SPIRE1: variants seen among roughly 807,000 people sequenced by gnomAD.
The protein encoded by SPIRE1 is protein spire homolog 1.
In SPIRE1, 40 loss-of-function variants were observed where a neutral mutation model predicts 94.1. The observed-to-expected ratio is 0.43, with a 90% CI of 0.33 to 0.55. The LOEUF is 0.55. Ranked by LOEUF, SPIRE1 falls within the 20% of genes least tolerant of loss-of-function variation. SPIRE1 has a pLI of 0.06. For synonymous variants in SPIRE1, 376 were observed against 371.7 expected (o/e 1.01, Z -0.13); for missense variants, 838 against 975.2 (o/e 0.86, Z 1.87).
chr18:12,547,932 C>CAAAA (rs1186849585), intron 2 of SPIRE1, among the ~76,000 whole-genome samples: 2 of 151,552 alleles, frequency 1.3e-5, no homozygotes, highest in Non-Finnish European at 2.9e-5. Context: ...AACAAACAAA[C>CAAAA]AAACAACAAC....
At chr18:12,514,391 T>C (rs950394594) in intron 4 of SPIRE1, among the ~76,000 whole-genome samples, 3 of 152,250 alleles carry the variant, frequency 2.0e-5, no homozygotes, top group Non-Finnish European at 2.9e-5. Flanking sequence ...CTACAGAATG[T>C]ACTTATTTCA....
chr18:12,609,369 T>C (rs766439076), intron 2 of SPIRE1, among the ~76,000 whole-genome samples: 1 of 152,204 alleles, frequency 6.6e-6, no homozygotes, highest in East Asian at 1.9e-4. Context: ...AGCTGGTTGA[T>C]GAAACCTCTG....
At chr18:12,583,576 T>G (rs951706594) in intron 2 of SPIRE1, among the ~76,000 whole-genome samples, 2 of 151,444 alleles carry the variant, frequency 1.3e-5, no homozygotes, top group African/African-American at 4.9e-5. Context: ...CACTCCAGCC[T>G]GGTGACAGAG....
intron 4 of SPIRE1, among the ~76,000 whole-genome samples, chr18:12,525,276 CAAA>C (rs1170791088): frequency 3.2e-4 from 23 of 71,502 alleles, no homozygotes; most frequent in East Asian, 3.2e-3. Flanking sequence ...GACTCCGTCT[CAAA>C]AAAAAAAAAA....
chr18:12,501,074 A>C (rs1195120494), intron 6 of SPIRE1, among the ~76,000 whole-genome samples: 1 of 26,400 alleles, frequency 3.8e-5, no homozygotes, highest in Non-Finnish European at 1.3e-4. Context: ...CTCTGTCTCA[A>C]AAAAAAAAAA....
At chr18:12,573,210 C>T (rs529979788) in intron 2 of SPIRE1, among the ~76,000 whole-genome samples, 2 of 152,160 alleles carry the variant, frequency 1.3e-5, no homozygotes, top group African/African-American at 4.8e-5. Context: ...AGAAGATATA[C>T]AGATGGAAAA....
chr18:12,557,314 G>A (rs1474601093), intron 2 of SPIRE1, among the ~76,000 whole-genome samples: 3 of 152,208 alleles, frequency 2.0e-5, no homozygotes, highest in African/African-American at 7.2e-5. Flanking sequence ...AGGCAGCTGA[G>A]GCCCAGTGAG....
chr18:12,480,422 G>A (rs2032796413), intron 9 of SPIRE1, among the ~76,000 whole-genome samples: 2 of 152,296 alleles, frequency 1.3e-5, no homozygotes, highest in East Asian at 3.9e-4. Context: ...TACAACAAAT[G>A]ACAGACAATG....
At chr18:12,450,176 G>A (rs1427431019) in intron 16 of SPIRE1, among the ~76,000 whole-genome samples, 1 of 149,124 alleles carries the variant, frequency 6.7e-6, no homozygotes, top group African/African-American at 2.5e-5. Flanking sequence ...GGAGTTTGGC[G>A]AAACCCAGTC....
chr18:12,596,369 T>C (rs2036672368), intron 2 of SPIRE1, among the ~76,000 whole-genome samples: 1 of 152,246 alleles, frequency 6.6e-6, no homozygotes, highest in African/African-American at 2.4e-5. Context: ...GCATAGACAT[T>C]TAATTTTCTT....
intron 2 of SPIRE1, among the ~76,000 whole-genome samples, chr18:12,586,763 C>T (rs1377082252): frequency 1.3e-5 from 2 of 152,166 alleles, no homozygotes; most frequent in Non-Finnish European, 2.9e-5. Context: ...TGTCTGGAAA[C>T]TCAAGCATGG....
At chr18:12,518,289 C>T (rs1416625570) in intron 4 of SPIRE1, among the ~76,000 whole-genome samples, 1 of 152,058 alleles carries the variant, frequency 6.6e-6, no homozygotes, top group Non-Finnish European at 1.5e-5. Context: ...GGATTATAGG[C>T]GTGAGCAACC....
intron 2 of SPIRE1, among the ~76,000 whole-genome samples, chr18:12,623,917 T>C (rs12455892): frequency 0.58 from 84,184 of 145,450 alleles, 24,730 homozygotes; most frequent in Middle Eastern, 0.78. Flanking sequence ...CGTAAGCCAC[T>C]GCACTCGGCC....
intron 6 of SPIRE1, among the ~76,000 whole-genome samples, chr18:12,503,532 C>T (rs1050878590): frequency 2.0e-5 from 3 of 152,174 alleles, no homozygotes; most frequent in African/African-American, 7.2e-5. Context: ...CTGTTCTATC[C>T]TCTAATGATG....
intron 5 of SPIRE1, among the ~76,000 whole-genome samples, chr18:12,508,114 C>A (rs1443291367): frequency 6.6e-6 from 1 of 151,534 alleles, no homozygotes; most frequent in Non-Finnish European, 1.5e-5. Flanking sequence ...CCACTGCACT[C>A]CAGCCTGACG....
At position 12,454,340 on chromosome 18, in the gene SPIRE1, CACT is replaced by C; in HGVS notation, c.1776+3_1776+5del. 6.2e-7 allele frequency: 1 copy of C among 1,614,080 alleles called. No individual in the cohort carries two copies. Among genetic ancestry groups the C allele is most frequent in the Non-Finnish European group, 8.5e-7 (1 of 1,179,982 alleles). On this transcript the variant is annotated splice_donor_5th_base_variant and intron_variant, in intron 13 of 16. Transcript: ENST00000409402. Reference sequence around the variant, plus strand: ...CTTCTGATCAATCAACTTTAAACAGCACTACCTTTCCTTTTTTCAAGGCGGTGT... The same window carrying C: ...CTTCTGATCAATCAACTTTAAACAGCACCTTTCCTTTTTTCAAGGCGGTGT...
At chr18:12,501,062 A>C (rs1428280032) in intron 6 of SPIRE1, among the ~76,000 whole-genome samples, 1 of 145,470 alleles carries the variant, frequency 6.9e-6, no homozygotes, top group African/African-American at 2.6e-5. Context: ...ACAACAGTGA[A>C]ACTCTGTCTC....
intron 12 of SPIRE1, among the ~76,000 whole-genome samples, chr18:12,461,591 A>ATACATGTGTGTATATGTATGTATGTATG (rs1354214008): frequency 1.5e-4 from 22 of 149,284 alleles, no homozygotes; most frequent in East Asian, 1.4e-3. Flanking sequence ...ATGTATATAC[A>ATACATGTGTGTATATGTATGTATGTATG]TACATACACA....
rs370883358 is a variant in SPIRE1, at chr18:12,652,553, A to C, written c.337+4977T>G. Reference sequence around the variant, plus strand: ...ACATAATTTAATCTTTTTACTTTCAAGAGATCCTCTAAAGAGCTAGTCTTT... The same window carrying C: ...ACATAATTTAATCTTTTTACTTTCACGAGATCCTCTAAAGAGCTAGTCTTT... On this transcript the variant is annotated intron_variant, in intron 1 of 16. Transcript: ENST00000409402. Among the ~76,000 whole-genome samples, 314 of 152,358 alleles carry C rather than the reference A, an allele frequency of 2.1e-3. 1 individual carries two copies. Among genetic ancestry groups the C allele is most frequent in the African/African-American group, 6.9e-3 (287 of 41,598 alleles).
Sources: allele counts gnomAD v4.1 joint callset (sites outside exome capture counted in the v4.1 genomes callset), GRCh38; gene constraint gnomAD v4.1.1; transcripts MANE v1.5; gene names NCBI Gene and HGNC (gene_info 2026-07-23, HGNC 2026-07-21).